Variants in NFX1 observed in about 807,000 individuals in gnomAD.
NFX1 encodes the protein transcriptional repressor NF-X1.
Under a neutral mutation model 137.2 loss-of-function variants are expected in NFX1, and 69 were observed. That is an observed-to-expected ratio of 0.50 (90% confidence interval 0.41 to 0.61). The LOEUF is 0.61. NFX1 is among the 20% of genes least tolerant of loss of function. NFX1 has a pLI of 0.00. For missense variants in NFX1, 1,167 were observed against 1,391.0 expected (o/e 0.84, Z 2.56); for synonymous variants, 495 against 474.1 (o/e 1.04, Z -0.57).
Position 33,333,097 on chromosome 9 carries a change from C to T in NFX1, c.2035+595C>T, listed in dbSNP as rs573875376. On this transcript the variant is annotated intron_variant, in intron 11 of 23. Coordinates refer to ENST00000379540, the MANE Select transcript of NFX1 (RefSeq NM_002504.6). ...CTGACCTCAAGTGATCCACCCGCCT[C>T]GGCCTCCCAAAGTGTTGGGATTACA... Among the ~76,000 whole-genome samples the T allele has an allele frequency of 1.7e-4, 26 of 152,320 alleles. No homozygotes were observed. The East Asian group carries it at 3.3e-3, about 19-fold the overall frequency.
chr9:33,305,555 T>C (rs1361234610), intron 4 of NFX1, among the ~76,000 whole-genome samples: 26 of 152,212 alleles, frequency 1.7e-4, no homozygotes, highest in Non-Finnish European at 7.3e-5. Flanking sequence ...TGATTCTTTA[T>C]GGAGATTAGT....
rs191107627 is a variant in NFX1, at chr9:33,316,309, G to A, written c.1589-2422G>A. Among the ~76,000 whole-genome samples the A allele has an allele frequency of 4.5e-3, 677 of 150,300 alleles. 1 individual carries two copies. The highest frequency in any genetic ancestry group is 7.4e-3 in the Non-Finnish European group (502 of 67,664). On this transcript the variant is annotated intron_variant, in intron 7 of 23. Coordinates refer to ENST00000379540, the MANE Select transcript of NFX1 (RefSeq NM_002504.6). ...AGCTCTCTATCCTGGTACTTACCAAGCCTTTTTTTTTTTTTTGGATCTCGT... is the reference window on the plus strand; with the variant it reads ...AGCTCTCTATCCTGGTACTTACCAAACCTTTTTTTTTTTTTTGGATCTCGT...
chr9:33,323,650 G>A lies in NFX1; in HGVS notation c.1906+4523G>A, dbSNP rs540032258. On this transcript the variant is annotated intron_variant, in intron 9 of 23. Transcript: ENST00000379540. ...CGCCTGTGGTCCCAGCTGCTCCGGC[G>A]GCTGAGGCAGGAGAATCCCTTGAAC... Among the ~76,000 whole-genome samples, 6 of 152,088 alleles carry A rather than the reference G, an allele frequency of 3.9e-5. 1 individual carries two copies. The highest frequency in any genetic ancestry group is 1.4e-4 in the African/African-American group (6 of 41,476).
At chr9:33,354,291 T>G in intron 18 of NFX1, 104 bp downstream of exon 18, 1 of 888,444 alleles carries the variant, frequency 1.1e-6, no homozygotes, top group Non-Finnish European at 1.7e-6. Flanking sequence ...GAGCCTTGCA[T>G]ACACAATAAG....
chr9:33,307,498 T>TG (rs1361749288), intron 5 of NFX1, among the ~76,000 whole-genome samples, 199 bp downstream of exon 5: 2 of 152,206 alleles, frequency 1.3e-5, no homozygotes, highest in Non-Finnish European at 2.9e-5. Flanking sequence ...CAGTAATAGA[T>TG]ATTTACCATC....
chr9:33,369,611 T>C (rs1187113170), intron 23 of NFX1, among the ~76,000 whole-genome samples: 2 of 152,136 alleles, frequency 1.3e-5, no homozygotes. Context: ...CATCATCATA[T>C]ATGAAATCCT....
intron 12 of NFX1, among the ~76,000 whole-genome samples, chr9:33,342,419 T>G (rs904044494): frequency 4.7e-5 from 7 of 150,500 alleles, no homozygotes; most frequent in African/African-American, 1.7e-4. Flanking sequence ...CCAAGATTGC[T>G]CCACTGCACT....
At chr9:33,318,638 G>A (rs1325385101) in intron 7 of NFX1, 93 bp from the exon 8 acceptor site, 1 of 1,180,426 alleles carries the variant, frequency 8.5e-7, no homozygotes, top group African/African-American at 1.5e-5. Context: ...ACTGTGCCAG[G>A]CCCGCATTTT....
chr9:33,329,481 A>G (rs1480286326), intron 10 of NFX1, among the ~76,000 whole-genome samples: 1 of 152,134 alleles, frequency 6.6e-6, no homozygotes, highest in African/African-American at 2.4e-5. Context: ...CCAGGCAAAC[A>G]ATGACACTTA....
intron 9 of NFX1, among the ~76,000 whole-genome samples, chr9:33,325,194 A>T (rs982728308): frequency 6.6e-6 from 1 of 152,192 alleles, no homozygotes; most frequent in African/African-American, 2.4e-5. Context: ...CTAGACATAT[A>T]ATAAAAATGC....
Position 33,364,063 on chromosome 9 carries a change from G to T in NFX1, c.2927G>T (p.Arg976Leu). ...ISEDSDPFNI[R>L]SSGSKFSDSL... ...GAGGATTCTGATCCTTTCAATATAC[G>T]TTCTTCAGGGTCAAAATTCAGTGAT... The change falls in exon 20 of 24, where the codon CGT becomes CTT. Residue 976 changes from arginine (R) to leucine (L), a missense_variant. Transcript: ENST00000379540. The T allele has an allele frequency of 6.2e-7, 1 of 1,605,034 alleles. No individual in the cohort carries two copies. Among genetic ancestry groups the T allele is most frequent in the Non-Finnish European group, 8.5e-7 (1 of 1,176,226 alleles).
intron 2 of NFX1, among the ~76,000 whole-genome samples, 156 bp downstream of exon 2, chr9:33,295,583 C>T (rs1025423190): frequency 1.3e-5 from 2 of 152,262 alleles, no homozygotes; most frequent in African/African-American, 4.8e-5. Flanking sequence ...TCTACCACCA[C>T]TCGCTGCTCC....
At chr9:33,368,143 G>A (rs1824223798) in intron 23 of NFX1, among the ~76,000 whole-genome samples, 1 of 152,084 alleles carries the variant, frequency 6.6e-6, no homozygotes, top group Non-Finnish European at 1.5e-5. Flanking sequence ...ACTGAGGCAA[G>A]AGAATCACTT....
At chr9:33,364,951 T>C in intron 21 of NFX1, 177 bp downstream of exon 21, 11 of 1,421,258 alleles carry the variant, frequency 7.7e-6, no homozygotes, top group Non-Finnish European at 1.0e-5. Context: ...TGGAAGCCTG[T>C]CCTGGTTCAG....
At chr9:33,332,392 G>T in intron 10 of NFX1, 80 bp from the exon 11 acceptor site, 1 of 1,338,368 alleles carries the variant, frequency 7.5e-7, no homozygotes, top group South Asian at 1.3e-5. Context: ...GGATATTCTT[G>T]TTACCTATGG....
At chr9:33,367,447 T>TCTAG in intron 22 of NFX1, 68 bp from the exon 23 acceptor site, 1 of 1,532,102 alleles carries the variant, frequency 6.5e-7, no homozygotes, top group Non-Finnish European at 9.0e-7. Flanking sequence ...GGGCTGAGTT[T>TCTAG]CTAGCTTTCT....
At chr9:33,352,840 CTG>C (rs1334756006) in intron 17 of NFX1, 121 bp downstream of exon 17, 2 of 723,370 alleles carry the variant, frequency 2.8e-6, no homozygotes, top group Non-Finnish European at 4.9e-6. Flanking sequence ...AAGTCTGTAA[CTG>C]TTGTAATCAG....
chr9:33,329,371 G>C (rs10119298), intron 10 of NFX1, among the ~76,000 whole-genome samples: 8,935 of 152,192 alleles, frequency 0.059, 800 homozygotes, highest in African/African-American at 0.19. Flanking sequence ...CTCCCGAGGT[G>C]TACCGATACC....
chr9:33,354,114 A>T lies in NFX1; in HGVS notation c.2758A>T (p.Ile920Leu). Reference protein sequence around the residue: ...RIAAISMASKITDMQLGGSVE... With the variant: ...RIAAISMASKLTDMQLGGSVE... ...AGCTGCAATCTCCATGGCCTCTAAGATAACAGACATGCAGCTTGGAGGTTC... is the reference window on the plus strand; with the variant it reads ...AGCTGCAATCTCCATGGCCTCTAAGTTAACAGACATGCAGCTTGGAGGTTC... Residue 920 changes from isoleucine (I) to leucine (L), a missense_variant, in exon 18 of 24, where the codon ATA becomes TTA. Physicochemically the swap from Ile to Leu is conservative, Grantham distance 5 (BLOSUM62 2). Around this residue, in one of 3 missense-constraint regions of NFX1, gnomAD observed 312 missense variants for 312.8 expected, o/e 1.00. Transcript: ENST00000379540. 1 of 1,612,938 alleles carries T rather than the reference A, an allele frequency of 6.2e-7. No individual in the cohort carries two copies. The highest frequency in any genetic ancestry group is 8.5e-7 in the Non-Finnish European group (1 of 1,179,588).
Sources: allele counts gnomAD v4.1 joint callset (sites outside exome capture counted in the v4.1 genomes callset), GRCh38; gene constraint gnomAD v4.1.1; regional missense constraint gnomAD v4.1.1; transcripts MANE v1.5; gene names NCBI Gene and HGNC (gene_info 2026-07-23, HGNC 2026-07-21).